KIAA1614: variants seen among roughly 807,000 people sequenced by gnomAD.
KIAA1614 encodes the protein uncharacterized protein KIAA1614.
Under a neutral mutation model 88.7 loss-of-function variants are expected in KIAA1614, and 76 were observed. That is an observed-to-expected ratio of 0.86 (90% CI 0.71 to 1.04). The LOEUF (loss-of-function observed/expected upper bound fraction) is 1.04. KIAA1614 is among the 50% of genes least tolerant of loss of function. KIAA1614 has a pLI of 0.00. For synonymous variants in KIAA1614, 714 were observed against 675.5 expected, an observed-to-expected ratio of 1.06 and a Z score of -0.88; for missense variants, 1,553 against 1,582.5, an observed-to-expected ratio of 0.98 and a Z score of 0.32.
Position 180,935,190 on chromosome 1 carries a change from GAGCGATTCCTCC to G in KIAA1614, c.1286_1297del (p.Asp429_Ser432del), listed in dbSNP as rs1654289758. 1 of 1,484,740 alleles carries G rather than the reference GAGCGATTCCTCC, an allele frequency of 6.7e-7. No homozygotes were observed. Among genetic ancestry groups the G allele is most frequent in the East Asian group, 2.6e-5 (1 of 38,210 alleles). 92.0% of individuals were successfully genotyped at this position (1,484,740 alleles called of 1,614,324 possible). A position where few individuals can be genotyped will look rare whatever the true frequency, so the allele number is the denominator to read the frequency against. ...GAGACAGCCTCCAGAACGGGCACAC[GAGCGATTCCTCC>G]AGCGGAGAGTCCAGCGGTGGGCACA... On this transcript the variant is annotated inframe_deletion, in exon 5 of 9. Transcript: ENST00000367588. This position sits in a 1 kb window ranked among gnomAD's most constrained non-coding sequence, Gnocchi z 6.1.
intron 7 of KIAA1614, among the ~76,000 whole-genome samples, chr1:180,943,297 G>C (rs1377617408): frequency 6.6e-6 from 1 of 152,038 alleles, no homozygotes; most frequent in Non-Finnish European, 1.5e-5. Context: ...AAAGTGCTGG[G>C]ATTACAGGCA....
chr1:180,916,919 G>A lies in KIAA1614; in HGVS notation c.816G>A (p.Leu272=). 1 of 1,614,250 alleles carries A rather than the reference G, an allele frequency of 6.2e-7. No individual in the cohort carries two copies. The highest frequency in any genetic ancestry group is 8.5e-7 in the Non-Finnish European group (1 of 1,180,054). ...EEVFVPRTAL[L]GERWRAGDLE... ...TCTTTGTCCCCAGGACGGCCCTGCTGGGTGAGCGCTGGAGAGCTGGAGACC... is the reference window on the plus strand; with the variant it reads ...TCTTTGTCCCCAGGACGGCCCTGCTAGGTGAGCGCTGGAGAGCTGGAGACC... The change falls in exon 2 of 9, where the codon CTG becomes CTA. Residue 272 remains leucine (L), a synonymous_variant. Coordinates refer to ENST00000367588, the MANE Select transcript of KIAA1614 (RefSeq NM_020950.2).
In KIAA1614 at chr1:180,913,211, A is replaced by G; in HGVS notation, c.-33A>G. On this transcript the variant is annotated 5_prime_UTR_variant, in exon 1 of 9. Transcript: ENST00000367588. ...ACCCAGCAGCTGGCCTGGGAGGGAGAAGGGGCTGGAGAGGGCCTGGCCTCT... is the reference window on the plus strand; with the variant it reads ...ACCCAGCAGCTGGCCTGGGAGGGAGGAGGGGCTGGAGAGGGCCTGGCCTCT... 3 of 1,253,224 alleles carry G rather than the reference A, an allele frequency of 2.4e-6. No individual in the cohort carries two copies. The highest frequency in any genetic ancestry group is 2.0e-6 in the Non-Finnish European group (2 of 991,456). The allele number at this position is 1,253,224 out of a possible 1,614,324, so 77.6% of individuals were successfully genotyped here. A position where few individuals can be genotyped will look rare whatever the true frequency, so the allele number is the denominator to read the frequency against.
At chr1:180,920,700 G>A (rs1049767630) in intron 3 of KIAA1614, among the ~76,000 whole-genome samples, 4 of 147,134 alleles carry the variant, frequency 2.7e-5, no homozygotes, top group African/African-American at 9.9e-5. Context: ...AACACAGCAG[G>A]CAGGCTGGGG....
rs868559558 is a variant in KIAA1614, at chr1:180,938,582, C to A, written c.2789C>A (p.Ala930Glu). The A allele has an allele frequency of 7.4e-6, 12 of 1,614,122 alleles. No individual in the cohort carries two copies. The highest frequency in any genetic ancestry group is 1.0e-5 in the Non-Finnish European group (12 of 1,179,972). Residue 930 changes from alanine (A) to glutamate (E), a missense_variant, in exon 6 of 9, where the codon GCA becomes GAA. Physicochemically the swap from Ala to Glu is moderately radical, Grantham distance 107. Coordinates refer to ENST00000367588, the MANE Select transcript of KIAA1614 (RefSeq NM_020950.2). ...DGGPQGFLGS[A>E]DVATINSTGI... is the part of the protein sequence containing the mutation. Reference sequence around the variant, plus strand: ...GGACCCCAGGGCTTTCTTGGCTCAGCAGATGTTGCCACCATCAACTCCACG... The same window carrying A: ...GGACCCCAGGGCTTTCTTGGCTCAGAAGATGTTGCCACCATCAACTCCACG...
At position 180,936,227 on chromosome 1, in the gene KIAA1614, T is replaced by G; in HGVS notation, c.2318T>G (p.Leu773Arg). 6.2e-7 allele frequency: 1 copy of G among 1,614,140 alleles called. No individual in the cohort carries two copies. The highest frequency in any genetic ancestry group is 8.5e-7 in the Non-Finnish European group (1 of 1,180,006). ...CAGGTTACAGAAAGCCACGAGTCCC[T>G]GGAAATTGTCTCTCCTTCCTCCCTG... ...QAQVTESHESLEIVSPSSLQQ... is the reference protein window; with the variant it reads ...QAQVTESHESREIVSPSSLQQ... The change falls in exon 5 of 9, where the codon CTG (leucine) becomes CGG (arginine). Residue 773 changes from leucine (L) to arginine (R), a missense_variant. Leu to Arg is a moderately radical substitution (Grantham distance 102). Transcript: ENST00000367588.
chr1:180,920,384 T>G (rs886242004), intron 3 of KIAA1614, among the ~76,000 whole-genome samples: 2 of 152,174 alleles, frequency 1.3e-5, no homozygotes, highest in Admixed American at 6.5e-5. Flanking sequence ...TCTAAGGGGC[T>G]TAGGACTTTG....
intron 3 of KIAA1614, among the ~76,000 whole-genome samples, chr1:180,926,182 AC>A (rs1654063131): frequency 6.6e-6 from 1 of 152,062 alleles, no homozygotes; most frequent in Admixed American, 6.5e-5. Context: ...TTCCAGAGCA[AC>A]TCTGGGAGCT....
intron 3 of KIAA1614, among the ~76,000 whole-genome samples, chr1:180,923,962 C>T (rs35826507): frequency 0.055 from 8,434 of 152,078 alleles, 752 homozygotes; most frequent in African/African-American, 0.19. Context: ...CCAGCCCCAC[C>T]GAGACTAAAG....
chr1:180,937,140 A>G (rs1309706406), intron 5 of KIAA1614, among the ~76,000 whole-genome samples: 2 of 152,200 alleles, frequency 1.3e-5, no homozygotes. Context: ...CAGCATCATT[A>G]TTTCATTTCA....
chr1:180,944,584 C>T, intron 8 of KIAA1614, 68 bp downstream of exon 8: 1 of 1,536,202 alleles, frequency 6.5e-7, no homozygotes, highest in Non-Finnish European at 8.9e-7. Flanking sequence ...AAGCTTAACT[C>T]CTTCCTGCCT....
chr1:180,935,541 C>A lies in KIAA1614; in HGVS notation c.1632C>A (p.Asp544Glu), dbSNP rs1052237252. ...GCCAGGCCTGCGGCAGCTGCATCGA[C>A]GACCCGCGCCCCGCCCAGGGGAAGG... Reference protein sequence around the residue: ...RRCQACGSCIDDPRPAQGKAP... With the variant: ...RRCQACGSCIEDPRPAQGKAP... The change falls in exon 5 of 9, where the codon GAC becomes GAA. Residue 544 changes from aspartate (D) to glutamate (E), a missense_variant. Asp to Glu is a conservative substitution (Grantham distance 45, BLOSUM62 2). Coordinates refer to ENST00000367588, the MANE Select transcript of KIAA1614 (RefSeq NM_020950.2). This position sits in a 1 kb window ranked among gnomAD's most constrained non-coding sequence, Gnocchi z 6.1. The A allele has an allele frequency of 6.3e-7, 1 of 1,576,562 alleles. No individual in the cohort carries two copies. The highest frequency in any genetic ancestry group is 1.8e-5 in the Admixed American group (1 of 56,160).
At chr1:180,939,100 C>T (rs1217724470) in intron 6 of KIAA1614, among the ~76,000 whole-genome samples, 2 of 100,174 alleles carry the variant, frequency 2.0e-5, no homozygotes, top group Admixed American at 1.2e-4. Context: ...TCCTTCAGCT[C>T]AGGCAGAGCT....
intron 7 of KIAA1614, among the ~76,000 whole-genome samples, chr1:180,943,550 CTTT>C (rs60128001): frequency 7.1e-5 from 7 of 98,184 alleles, no homozygotes; most frequent in Non-Finnish European, 3.8e-5. Flanking sequence ...GGTAGTAGAT[CTTT>C]TTTTTTTTTT....
At chr1:180,915,029 C>T (rs983349192) in intron 1 of KIAA1614, among the ~76,000 whole-genome samples, 1 of 152,122 alleles carries the variant, frequency 6.6e-6, no homozygotes, top group Non-Finnish European at 1.5e-5. Context: ...GTCTCGAGCT[C>T]CTGACCTCAA....
intron 3 of KIAA1614, among the ~76,000 whole-genome samples, chr1:180,919,220 T>C (rs1181677241): frequency 3.3e-5 from 5 of 152,152 alleles, no homozygotes; most frequent in Non-Finnish European, 5.9e-5. Context: ...GTTCATGTGA[T>C]TGGGCTTCTG....
rs958381513 is a variant in KIAA1614 at position 180,916,341 on chromosome 1, C to T, written c.238C>T (p.Pro80Ser). ...PRVWGVQLQGPSVLESKVRAL... is the reference protein window; with the variant it reads ...PRVWGVQLQGSSVLESKVRAL... The stretch of plus-strand genomic sequence containing the variant: ...GGTATGGGGAGTACAGCTCCAGGGC[C>T]CCTCTGTGCTGGAATCCAAGGTGAG... The change falls in exon 2 of 9, where the codon CCC becomes TCC. Residue 80 changes from proline (P) to serine (S), a missense_variant. Pro to Ser is a moderately conservative substitution (Grantham distance 74). Coordinates refer to ENST00000367588, the MANE Select transcript of KIAA1614 (RefSeq NM_020950.2). 1.2e-6 allele frequency: 2 copies of T among 1,614,108 alleles called. No homozygotes were observed. The highest frequency in any genetic ancestry group is 2.2e-5 in the South Asian group (2 of 91,078).
In KIAA1614 at chr1:180,938,636, AG is replaced by A. The variant is rs754294620; in HGVS notation, c.2844del (p.Glu948AspfsTer53). 60 of 1,614,012 alleles carry A rather than the reference AG, an allele frequency of 3.7e-5. No homozygotes were observed. The highest frequency in any genetic ancestry group is 1.7e-6 in the Non-Finnish European group (2 of 1,179,994). ...ATCACCCTCTCCCTGTCCTCAGAGG[AG>A]TCAGAGTCCAGCAAGGAATCAGAGG... ...TGITLSLSSEESESSKESEGS... is the reference protein window; with the variant it reads ...TGITLSLSSEXSESSKESEGS... On this transcript the variant is annotated frameshift_variant, in exon 6 of 9. Coordinates refer to ENST00000367588, the MANE Select transcript of KIAA1614 (RefSeq NM_020950.2). LOFTEE classifies it high-confidence loss of function.
At chr1:180,916,112 C>T in intron 1 of KIAA1614, 42 bp from the exon 2 acceptor site, 1 of 1,484,074 alleles carries the variant, frequency 6.7e-7, no homozygotes, top group South Asian at 1.3e-5. Context: ...GGGGGTTAGT[C>T]CTGTGCTGGG....
Sources: allele counts gnomAD v4.1 joint callset (sites outside exome capture counted in the v4.1 genomes callset), GRCh38; gene constraint gnomAD v4.1.1; non-coding constraint Gnocchi (gnomAD v3.1); transcripts MANE v1.5; gene names NCBI Gene and HGNC (gene_info 2026-07-23, HGNC 2026-07-21).